The following FAF1 variants were observed in gnomAD, a reference collection of about 807,000 sequenced individuals.
FAF1 encodes Fas associated factor 1.
In FAF1, 25 loss-of-function variants were observed where a neutral mutation model predicts 92.5. The observed-to-expected ratio is 0.27, with a 90% CI of 0.20 to 0.38. The LOEUF (loss-of-function observed/expected upper bound fraction) is 0.38, where lower values mean the gene tolerates loss of function less well. Among genes scored for constraint, FAF1 ranks in the 10% least tolerant of loss-of-function variants. The pLI, the probability that FAF1 is intolerant of heterozygous loss-of-function variation, is 1.00. For missense variants in FAF1, 636 were observed against 793.3 expected (o/e 0.80, Z 2.38); for synonymous variants, 234 against 273.2 (o/e 0.86, Z 1.42).
At chr1:50,864,165 C>G (rs1644460601) in intron 1 of FAF1, among the ~76,000 whole-genome samples, 1 of 150,682 alleles carries the variant, frequency 6.6e-6, no homozygotes, top group Admixed American at 6.6e-5. Flanking sequence ...CTCCTGGATT[C>G]ATTAATTTTT....
chr1:50,643,860 T>C (rs1654458330), intron 8 of FAF1, among the ~76,000 whole-genome samples: 1 of 152,230 alleles, frequency 6.6e-6, no homozygotes, highest in Non-Finnish European at 1.5e-5. Flanking sequence ...CCCAAAGTGC[T>C]GGGATTACAG....
At chr1:50,850,978 T>C (rs1260776753) in intron 2 of FAF1, among the ~76,000 whole-genome samples, 1 of 152,014 alleles carries the variant, frequency 6.6e-6, no homozygotes, top group Non-Finnish European at 1.5e-5. Context: ...CTTCCAGTAA[T>C]AGAAATTAAA....
chr1:50,917,538 T>C (rs553709548), intron 1 of FAF1, among the ~76,000 whole-genome samples: 56 of 144,520 alleles, frequency 3.9e-4, no homozygotes, highest in Non-Finnish European at 7.7e-4. Flanking sequence ...TTGAGTCAGA[T>C]AACTAAAAAG....
At chr1:50,480,734 C>G (rs1034297879) in intron 17 of FAF1, among the ~76,000 whole-genome samples, 1 of 152,140 alleles carries the variant, frequency 6.6e-6, no homozygotes, top group Non-Finnish European at 1.5e-5. Context: ...TTCCTATTGC[C>G]TAGTATTTAG....
intron 13 of FAF1, among the ~76,000 whole-genome samples, chr1:50,552,170 G>C (rs752959845): frequency 2.0e-5 from 3 of 151,916 alleles, no homozygotes; most frequent in Non-Finnish European, 4.4e-5. Context: ...GGTAGTGTGC[G>C]TTTGTAGTCC....
At chr1:50,696,550 C>T (rs1255637007) in intron 7 of FAF1, among the ~76,000 whole-genome samples, 1 of 152,152 alleles carries the variant, frequency 6.6e-6, no homozygotes, top group Admixed American at 6.5e-5. Flanking sequence ...TAATCATAAT[C>T]AATGTGTGGA....
At chr1:50,764,705 T>C (rs1660495817) in intron 4 of FAF1, among the ~76,000 whole-genome samples, 1 of 152,182 alleles carries the variant, frequency 6.6e-6, no homozygotes, top group African/African-American at 2.4e-5. Flanking sequence ...TCCAGGTGTG[T>C]ACAGCAGGAA....
intron 4 of FAF1, among the ~76,000 whole-genome samples, chr1:50,756,734 G>T (rs1467833426): frequency 6.6e-6 from 1 of 152,220 alleles, no homozygotes; most frequent in Non-Finnish European, 1.5e-5. Context: ...GGAAGGCAAG[G>T]TGGAGCAAGT....
intron 1 of FAF1, among the ~76,000 whole-genome samples, chr1:50,864,815 G>A (rs1262471384): frequency 6.6e-6 from 1 of 152,090 alleles, no homozygotes; most frequent in Non-Finnish European, 1.5e-5. Context: ...AAAAGCAATG[G>A]CAACAAAAGC....
Position 50,584,756 on chromosome 1 carries a change from G to T in FAF1, c.896C>A (p.Ala299Asp). 6.2e-7 allele frequency: 1 copy of T among 1,613,514 alleles called. No individual in the cohort carries two copies. The highest frequency in any genetic ancestry group is 1.1e-5 in the South Asian group (1 of 91,060). ...SDSDGDDFED[A>D]TEFGVDDGEV... ...TCCATCATCCACCCCAAATTCTGTA[G>T]CATCTTCAAAGTCATCTCCATCGCT... The change falls in exon 10 of 19, where the codon GCT becomes GAT. Residue 299 changes from alanine to aspartate, a missense_variant. Physicochemically the swap from Ala to Asp is moderately radical, Grantham distance 126. This residue lies in a region of FAF1 where 319 missense variants were observed against 451.0 expected (regional missense o/e 0.71). Transcript: ENST00000396153.
chr1:50,646,645 C>T (rs1654600231), intron 8 of FAF1, among the ~76,000 whole-genome samples: 1 of 152,130 alleles, frequency 6.6e-6, no homozygotes, highest in African/African-American at 2.4e-5. Context: ...CTACCACTAA[C>T]TGTTAGCAAA....
intron 1 of FAF1, among the ~76,000 whole-genome samples, chr1:50,883,954 G>A (rs1644635880): frequency 6.6e-6 from 1 of 151,336 alleles, no homozygotes; most frequent in African/African-American, 2.4e-5. Context: ...GAGAAACCCC[G>A]TCTCTACTAA....
chr1:50,923,324 G>T (rs1175459987), intron 1 of FAF1, among the ~76,000 whole-genome samples: 1 of 152,154 alleles, frequency 6.6e-6, no homozygotes, highest in Non-Finnish European at 1.5e-5. Context: ...TGAGGCAGGA[G>T]AATCCCTTGA....
chr1:50,595,675 T>G (rs1289639042), intron 9 of FAF1, among the ~76,000 whole-genome samples: 2 of 152,074 alleles, frequency 1.3e-5, no homozygotes, highest in East Asian at 3.9e-4. Flanking sequence ...CCCAAGTAGC[T>G]GGGATTATAG....
intron 6 of FAF1, among the ~76,000 whole-genome samples, chr1:50,719,796 T>C (rs2124451432): frequency 6.6e-6 from 1 of 152,312 alleles, no homozygotes; most frequent in Non-Finnish European, 1.5e-5. Context: ...ATACCCGCAG[T>C]TCTTTTTCAA....
At chr1:50,463,299 C>A (rs760494216) in intron 18 of FAF1, among the ~76,000 whole-genome samples, 1 of 152,080 alleles carries the variant, frequency 6.6e-6, no homozygotes, top group South Asian at 2.1e-4. Context: ...GAAGGTTGTG[C>A]CTGGTTTCCC....
At chr1:50,536,335 A>T (rs937359523) in intron 14 of FAF1, among the ~76,000 whole-genome samples, 2 of 152,178 alleles carry the variant, frequency 1.3e-5, no homozygotes, top group African/African-American at 2.4e-5. Context: ...ATTCATGAGG[A>T]TATATAAAGA....
intron 7 of FAF1, among the ~76,000 whole-genome samples, chr1:50,675,352 C>T (rs1472542417): frequency 1.3e-5 from 2 of 152,188 alleles, no homozygotes; most frequent in Non-Finnish European, 2.9e-5. Flanking sequence ...TTTCAAGAGC[C>T]GCCCAGTAAG....
At chr1:50,751,357 T>A (rs144803915) in intron 4 of FAF1, among the ~76,000 whole-genome samples, 8 of 152,096 alleles carry the variant, frequency 5.3e-5, no homozygotes, top group Admixed American at 5.2e-4. Flanking sequence ...TGTTTTGAGA[T>A]GGAGTCTCAC....
Sources: gnomAD v4.1 joint callset for allele counts (sites outside exome capture counted in the v4.1 genomes callset) on GRCh38, gnomAD v4.1.1 for gene constraint, gnomAD v4.1.1 regional missense constraint, MANE v1.5 for transcripts, NCBI Gene and HGNC (gene_info 2026-07-23, HGNC 2026-07-21) for gene names.